SANBR: variants seen among roughly 807,000 people sequenced by gnomAD.
The protein encoded by SANBR is SANT and BTB domain regulator of class switch recombination.
A neutral mutation model predicts 101.8 loss-of-function variants in SANBR; 77 were observed. That is an observed-to-expected ratio of 0.76 (90% CI 0.63 to 0.91). The LOEUF (loss-of-function observed/expected upper bound fraction) is 0.91, where lower values mean the gene tolerates loss of function less well. SANBR is among the 40% of genes least tolerant of loss of function. The pLI is 0.00. For synonymous variants in SANBR, 279 were observed against 274.7 expected, an observed-to-expected ratio of 1.02 and a Z score of -0.15; for missense variants, 875 against 853.0, an observed-to-expected ratio of 1.03 and a Z score of -0.32.
chr2:61,079,052 A>G (rs1457048467), intron 6 of SANBR, among the ~76,000 whole-genome samples: 2 of 152,148 alleles, frequency 1.3e-5, no homozygotes, highest in African/African-American at 4.8e-5. Flanking sequence ...AAAAAAGAAA[A>G]GAAAACATAG....
chr2:61,123,496 A>G lies in SANBR; in HGVS notation c.*1334A>G, dbSNP rs557847843. ...TTTGTTCCCATTTATATTTGTTTCA[A>G]TTGTTTGATACTGTGGAAATAGACT... is the stretch of plus-strand genomic sequence containing the variant. On this transcript the variant is annotated 3_prime_UTR_variant, in exon 22 of 22. Coordinates refer to ENST00000402291, the MANE Select transcript of SANBR (RefSeq NM_001129993.3). 23 of 975,438 alleles carry G rather than the reference A, an allele frequency of 2.4e-5. No individual in the cohort carries two copies. Among genetic ancestry groups the G allele is most frequent in the Non-Finnish European group, 2.6e-5 (21 of 820,738 alleles). The allele number at this position is 975,438 out of a possible 1,614,324, so 60.4% of individuals were successfully genotyped here.
chr2:61,119,225 A>G (rs1478191134), intron 20 of SANBR, among the ~76,000 whole-genome samples: 2 of 152,218 alleles, frequency 1.3e-5, no homozygotes, highest in Non-Finnish European at 2.9e-5. Context: ...GGTATTATGT[A>G]AGTACCATAC....
In SANBR at chr2:61,078,238, C is replaced by T. The variant is rs1031401245; in HGVS notation, c.670+1080C>T. On this transcript the variant is annotated intron_variant, in intron 6 of 21. Coordinates refer to ENST00000402291, the MANE Select transcript of SANBR (RefSeq NM_001129993.3). ...ATAAATTAGAGAATTTTGTTATTAA[C>T]GGAGTCAGAAAAGTTCACTGATACA... 3.9e-5 allele frequency among the ~76,000 whole-genome samples: 6 copies of T among 152,012 alleles called. No homozygotes were observed. The South Asian group carries it at 6.2e-4, about 16-fold the overall frequency.
chr2:61,091,961 A>G (rs752475192), intron 10 of SANBR, among the ~76,000 whole-genome samples: 1 of 152,224 alleles, frequency 6.6e-6, no homozygotes, highest in East Asian at 1.9e-4. Flanking sequence ...TAATACATTA[A>G]TGAAATGTTA....
At chr2:61,136,285 C>T (rs1684843599) in intron 21 of SANBR, among the ~76,000 whole-genome samples, 1 of 146,890 alleles carries the variant, frequency 6.8e-6, no homozygotes, top group Non-Finnish European at 1.5e-5. Context: ...GCCTGGGCAA[C>T]AGAGCGAGAC....
Position 61,071,589 on chromosome 2 carries a change from A to T in SANBR, c.151-17A>T. 1 of 1,483,820 alleles carries T rather than the reference A, an allele frequency of 6.7e-7. No homozygotes were observed. The highest frequency in any genetic ancestry group is 9.0e-7 in the Non-Finnish European group (1 of 1,114,924). 91.9% of individuals were successfully genotyped at this position (1,483,820 alleles called of 1,614,324 possible). On this transcript the variant is annotated splice_polypyrimidine_tract_variant and intron_variant, in intron 3 of 21. Transcript: ENST00000402291. ...AAATTCCCAAACCTCTGTTTCTTTC[A>T]TTTTATATTATGACAGTGTGCAAAA...
At chr2:61,137,581 T>C (rs1343811318) in exon 22 of SANBR, 1 of 152,304 alleles carries the variant, frequency 6.6e-6, no homozygotes, top group Non-Finnish European at 1.5e-5. Flanking sequence ...TTTTTTTCTT[T>C]TTGCTTGCTT....
chr2:61,088,790 A>C, intron 10 of SANBR: 1 of 874,946 alleles, frequency 1.1e-6, no homozygotes, highest in Non-Finnish European at 1.4e-6. Context: ...AAGTACTGGG[A>C]TTATAGGTGT....
At chr2:61,117,593 G>A (rs1327888159) in intron 19 of SANBR, 53 bp downstream of exon 19, 18 of 1,442,400 alleles carry the variant, frequency 1.2e-5, no homozygotes, top group Non-Finnish European at 1.8e-5. Context: ...AGCAATGATT[G>A]GTGTGTGTTT....
At chr2:61,128,325 G>C (rs1684576956), downstream of SANBR, among the ~76,000 whole-genome samples, 1 of 151,144 alleles carries the variant, frequency 6.6e-6, no homozygotes, top group Admixed American at 6.6e-5. Context: ...AAGATCAACA[G>C]CTGACTTCTC....
At chr2:61,109,931 G>C (rs749798979) in intron 16 of SANBR, among the ~76,000 whole-genome samples, 7 of 151,968 alleles carry the variant, frequency 4.6e-5, no homozygotes, top group Non-Finnish European at 8.8e-5. Flanking sequence ...GGGATTACAG[G>C]CGTGAGCCAC....
intron 13 of SANBR, 56 bp from the exon 14 acceptor site, chr2:61,106,507 A>G: frequency 1.7e-6 from 2 of 1,205,168 alleles, no homozygotes; most frequent in Middle Eastern, 1.9e-4. Flanking sequence ...AGATATTCAC[A>G]TTTAAATTTT....
chr2:61,103,867 G>A lies in SANBR; in HGVS notation c.1380G>A (p.Arg460=). ...PTQLTKGCKV[R]DHMVTLRDQG... ...TTATGTGACAGGGCTGTAAAGTGAGGGACCACATGGTTACACTTCGTGATC... is the reference window on the plus strand; with the variant it reads ...TTATGTGACAGGGCTGTAAAGTGAGAGACCACATGGTTACACTTCGTGATC... The change falls in exon 13 of 22, where the codon AGG becomes AGA. Residue 460 remains arginine, a synonymous_variant. Coordinates refer to ENST00000402291, the MANE Select transcript of SANBR (RefSeq NM_001129993.3). The A allele has an allele frequency of 6.2e-7, 1 of 1,614,106 alleles. No individual in the cohort carries two copies. Among genetic ancestry groups the A allele is most frequent in the African/African-American group, 1.3e-5 (1 of 75,026 alleles).
chr2:61,113,872 T>A (rs1348810481), intron 16 of SANBR, among the ~76,000 whole-genome samples: 1 of 152,226 alleles, frequency 6.6e-6, no homozygotes, highest in Non-Finnish European at 1.5e-5. Context: ...ATGTCAGTTG[T>A]CAGCTTCCCA....
chr2:61,109,448 A>G (rs970968320), intron 16 of SANBR, 152 bp downstream of exon 16: 61 of 439,650 alleles, frequency 1.4e-4, no homozygotes, highest in Non-Finnish European at 8.6e-5. Context: ...AAGATTTCCT[A>G]ACCCGGGCAT....
chr2:61,124,448 C>T (rs138053722), downstream of SANBR, among the ~76,000 whole-genome samples: 1,140 of 152,130 alleles, frequency 7.5e-3, 7 homozygotes, highest in Non-Finnish European at 0.012. Context: ...GTCTGCAATC[C>T]CAGCACTTTT....
chr2:61,119,290 G>GAA (rs35587588), intron 20 of SANBR, among the ~76,000 whole-genome samples: 1 of 152,018 alleles, frequency 6.6e-6, no homozygotes, highest in African/African-American at 2.4e-5. Flanking sequence ...CTTCTAAAAG[G>GAA]AAACATAGGA....
Position 61,072,821 on chromosome 2 carries a change from CTTTTTTTTTTT to C in SANBR, c.338-618_338-608del, listed in dbSNP as rs70959893. ...AGACTCTTGCTTGTCTCTCATGTTACTTTTTTTTTTTTTTTTTTTTTTTTTTTTTATACAGG... is the reference window on the plus strand; with the variant it reads ...AGACTCTTGCTTGTCTCTCATGTTACTTTTTTTTTTTTTTTTTTATACAGG... On this transcript the variant is annotated intron_variant, in intron 4 of 21. Transcript: ENST00000402291. Among the ~76,000 whole-genome samples the C allele has an allele frequency of 3.8e-4, 12 of 31,660 alleles. 1 individual carries two copies. Among genetic ancestry groups the C allele is most frequent in the African/African-American group, 1.2e-3 (9 of 7,456 alleles). 20.8% of individuals were successfully genotyped at this position (31,660 alleles called of 152,430 possible). A position where few individuals can be genotyped will look rare whatever the true frequency, so the allele number is the denominator to read the frequency against.
chr2:61,074,504 G>A (rs1431154133), intron 5 of SANBR, among the ~76,000 whole-genome samples: 1 of 152,132 alleles, frequency 6.6e-6, no homozygotes, highest in Non-Finnish European at 1.5e-5. Flanking sequence ...TGCCTCCTAG[G>A]CTCAGGCAAT....
Sources: allele counts gnomAD v4.1 joint callset (sites outside exome capture counted in the v4.1 genomes callset), GRCh38; gene constraint gnomAD v4.1.1; transcripts MANE v1.5; gene names NCBI Gene and HGNC (gene_info 2026-07-23, HGNC 2026-07-21).